Variants in MAP2K3 observed in about 807,000 individuals in gnomAD.
The protein encoded by MAP2K3 is dual specificity mitogen-activated protein kinase kinase 3.
MAP2K3 carries 30 observed loss-of-function variants against 46.4 expected under a neutral mutation model. That is an observed-to-expected ratio of 0.65 (90% CI 0.48 to 0.88). MAP2K3 has a LOEUF of 0.88. MAP2K3 is among the 40% of genes least tolerant of loss of function. The pLI, the probability that MAP2K3 is intolerant of heterozygous loss-of-function variation, is 0.00. For missense variants in MAP2K3, 380 were observed against 464.5 expected, an observed-to-expected ratio of 0.82 and a Z score of 1.67; for synonymous variants, 189 against 176.3, an observed-to-expected ratio of 1.07 and a Z score of -0.57.
chr17:21,292,793 G>A (rs985450613), intron 1 of MAP2K3, among the ~76,000 whole-genome samples: 2 of 152,274 alleles, frequency 1.3e-5, no homozygotes, highest in Non-Finnish European at 2.9e-5. Flanking sequence ...GGTCTGACCG[G>A]CATTTTCTTT....
intron 10 of MAP2K3, among the ~76,000 whole-genome samples, 179 bp downstream of exon 10, chr17:21,312,460 G>A (rs1018361311): frequency 1.3e-5 from 2 of 152,216 alleles, no homozygotes; most frequent in African/African-American, 2.4e-5. Flanking sequence ...GATGGTCTTG[G>A]TGGGAGATTT....
Position 21,309,668 on chromosome 17 carries a change from C to T in MAP2K3, c.775-2474C>T, listed in dbSNP as rs539876888. On this transcript the variant is annotated intron_variant, in intron 9 of 11. Transcript: ENST00000342679. Reference sequence around the variant, plus strand: ...TCGCTCTGTCACCCATGCTGGAGCGCGGTGGTGCGATCTCGGCTTACTGCA... The same window carrying T: ...TCGCTCTGTCACCCATGCTGGAGCGTGGTGGTGCGATCTCGGCTTACTGCA... Among the ~76,000 whole-genome samples, 391 of 152,222 alleles carry T rather than the reference C, an allele frequency of 2.6e-3. 1 individual carries two copies. The highest frequency in any genetic ancestry group is 8.3e-3 in the African/African-American group (343 of 41,542).
intron 1 of MAP2K3, among the ~76,000 whole-genome samples, chr17:21,296,568 A>C (rs367729459): frequency 5.8e-3 from 879 of 151,978 alleles, no homozygotes; most frequent in African/African-American, 0.02. Flanking sequence ...GAGTCAATAA[A>C]CTCAGGAGTG....
intron 9 of MAP2K3, 90 bp from the exon 10 acceptor site, chr17:21,312,052 G>C: frequency 7.8e-7 from 1 of 1,285,376 alleles, no homozygotes; most frequent in Admixed American, 3.0e-5. Context: ...TCTGGTACCA[G>C]GATGGGTGGG....
intron 3 of MAP2K3, among the ~76,000 whole-genome samples, chr17:21,299,854 C>T (rs1298082384): frequency 4.6e-5 from 7 of 152,260 alleles, no homozygotes; most frequent in Admixed American, 2.0e-4. Context: ...TGGTGGCAGG[C>T]GCCTATAATC....
chr17:21,313,926 G>A (rs1673838), intron 11 of MAP2K3: 1 of 594,978 alleles, frequency 1.7e-6, no homozygotes, highest in East Asian at 2.8e-5. Flanking sequence ...GGGGGGAAAG[G>A]GAGGTTAGTG....
chr17:21,301,121 C>T lies in MAP2K3; in HGVS notation c.399+128C>T, dbSNP rs560826790. The stretch of plus-strand genomic sequence containing the variant: ...ACCTGGCATACTGGCAGGAGGCTCC[C>T]CCGTCTCTTGGCTGTTACTGTCCTG... On this transcript the variant is annotated intron_variant, in intron 5 of 11. Transcript: ENST00000342679. The T allele has an allele frequency of 3.3e-6, 5 of 1,498,926 alleles. No homozygotes were observed. The African/African-American group carries it at 6.9e-5, about 21-fold the overall frequency. The allele number at this position is 1,498,926 out of a possible 1,614,324, so 92.9% of individuals were successfully genotyped here. A position where few individuals can be genotyped will look rare whatever the true frequency, so the allele number is the denominator to read the frequency against.
intron 1 of MAP2K3, chr17:21,295,535 G>A: frequency 8.2e-7 from 1 of 1,215,968 alleles, no homozygotes. Context: ...GGCCATCTGG[G>A]CCCAGCTCTG....
intron 1 of MAP2K3, among the ~76,000 whole-genome samples, chr17:21,294,492 G>A (rs1790604631): frequency 6.6e-6 from 1 of 152,312 alleles, no homozygotes; most frequent in East Asian, 1.9e-4. Context: ...CCCAGGCCCA[G>A]GGTAGAGGGA....
At chr17:21,299,071 G>T (rs1405987079) in intron 3 of MAP2K3, 145 bp downstream of exon 3, 3 of 60,178 alleles carry the variant, frequency 5.0e-5, no homozygotes, top group Admixed American at 1.3e-3. Context: ...CTGCGCTGCT[G>T]GCTGTGTGGC....
intron 1 of MAP2K3, chr17:21,288,075 A>G: frequency 2.3e-6 from 3 of 1,289,234 alleles, no homozygotes; most frequent in Non-Finnish European, 3.0e-6. Context: ...AGGCCGGGGC[A>G]GCGGAGGCTT....
chr17:21,288,439 G>C (rs1256613548), intron 1 of MAP2K3, among the ~76,000 whole-genome samples: 4 of 152,240 alleles, frequency 2.6e-5, no homozygotes, highest in African/African-American at 9.6e-5. Flanking sequence ...ACTCAGGGAG[G>C]GTGAGGAGCA....
chr17:21,294,251 C>T (rs187132448), intron 1 of MAP2K3, among the ~76,000 whole-genome samples: 79 of 152,386 alleles, frequency 5.2e-4, no homozygotes, highest in African/African-American at 1.6e-3. Flanking sequence ...CCTTCCCTGG[C>T]AGGCCCAGAA....
chr17:21,284,831 G>T lies in MAP2K3; in HGVS notation c.-90G>T. On this transcript the variant is annotated 5_prime_UTR_variant, in exon 1 of 12. Transcript: ENST00000342679. ...GCTGCTCCTCCGCCTGGCCTGGGCC[G>T]TCTGCCCGCAGCCATGAGCGTGCTC... is the stretch of plus-strand genomic sequence containing the variant. 1 of 1,445,470 alleles carries T rather than the reference G, an allele frequency of 6.9e-7. No homozygotes were observed. The highest frequency in any genetic ancestry group is 9.3e-7 in the Non-Finnish European group (1 of 1,070,586). The allele number at this position is 1,445,470 out of a possible 1,614,324, so 89.5% of individuals were successfully genotyped here.
intron 7 of MAP2K3, among the ~76,000 whole-genome samples, chr17:21,303,875 G>A (rs974447075): frequency 5.9e-5 from 9 of 152,312 alleles, no homozygotes; most frequent in African/African-American, 1.7e-4. Flanking sequence ...CGGTTGGCAC[G>A]GAACCTTCTG....
intron 9 of MAP2K3, among the ~76,000 whole-genome samples, chr17:21,308,926 A>G (rs1453160717): frequency 1.3e-5 from 2 of 152,294 alleles, no homozygotes; most frequent in Non-Finnish European, 1.5e-5. Flanking sequence ...TCAGTTATCA[A>G]ATATTGCATA....
intron 1 of MAP2K3, 190 bp downstream of exon 1, chr17:21,285,159 T>TA: frequency 1.1e-6 from 1 of 884,408 alleles, no homozygotes; most frequent in Non-Finnish European, 1.4e-6. Context: ...ACCCCCACGT[T>TA]AGGCCTTGGG....
Position 21,285,529 on chromosome 17 carries a change from C to T in MAP2K3, c.49+560C>T, listed in dbSNP as rs541546784. Among the ~76,000 whole-genome samples the T allele has an allele frequency of 5.4e-4, 82 of 152,240 alleles. 1 individual carries two copies. Among genetic ancestry groups the T allele is most frequent in the African/African-American group, 1.9e-3 (80 of 41,562 alleles). ...CCAGCTCGGAACTCCCCGTCCTTCT[C>T]TCCCCCAGCTCTTCTTATCCTTATA... On this transcript the variant is annotated intron_variant, in intron 1 of 11. Coordinates refer to ENST00000342679, the MANE Select transcript of MAP2K3 (RefSeq NM_145109.3).
rs1976421713 is a variant in MAP2K3 at position 21,298,861 on chromosome 17, G to A, written c.117-17G>A. 1 of 1,614,200 alleles carries A rather than the reference G, an allele frequency of 6.2e-7. No individual in the cohort carries two copies. On this transcript the variant is annotated splice_polypyrimidine_tract_variant and intron_variant, in intron 2 of 11. Transcript: ENST00000342679. ...TGTGGTTCTCTCTGAAGCTCACGGA[G>A]TCTTCTTTCTCCACAGACCCCCCCG... is the stretch of plus-strand genomic sequence containing the variant.
Sources: allele counts gnomAD v4.1 joint callset (sites outside exome capture counted in the v4.1 genomes callset), GRCh38; gene constraint gnomAD v4.1.1; transcripts MANE v1.5; gene names NCBI Gene and HGNC (gene_info 2026-07-23, HGNC 2026-07-21).